Variants in GRM1 observed in about 807,000 individuals in gnomAD.
The protein encoded by GRM1 is glutamate metabotropic receptor 1, also known as metabotropic glutamate receptor 1.
Under a neutral mutation model 90.9 loss-of-function variants are expected in GRM1, and 33 were observed. That is an observed-to-expected ratio of 0.36 (90% CI 0.28 to 0.49). The LOEUF is 0.49. GRM1 is among the 20% of genes least tolerant of loss of function. GRM1 has a pLI of 0.99. For synonymous variants in GRM1, 700 were observed against 613.2 expected, an observed-to-expected ratio of 1.14 and a Z score of -2.09; for missense variants, 1,190 against 1,534.3, an observed-to-expected ratio of 0.78 and a Z score of 3.75.
intron 5 of GRM1, among the ~76,000 whole-genome samples, chr6:146,381,586 T>C (rs951350079): frequency 6.6e-6 from 1 of 152,204 alleles, no homozygotes; most frequent in African/African-American, 2.4e-5. Context: ...AACCAGATAC[T>C]GAGTGTTTAC....
At chr6:146,419,631 G>T (rs1377781978) in intron 7 of GRM1, among the ~76,000 whole-genome samples, 2 of 152,164 alleles carry the variant, frequency 1.3e-5, no homozygotes, top group African/African-American at 4.8e-5. Context: ...GGCTTAACAG[G>T]AATCACGACT....
At chr6:146,236,746 G>A (rs1245506914) in intron 2 of GRM1, among the ~76,000 whole-genome samples, 3 of 152,104 alleles carry the variant, frequency 2.0e-5, no homozygotes, top group Non-Finnish European at 4.4e-5. Context: ...AGAGTCTTAA[G>A]GTATTTGTCA....
chr6:146,104,640 A>G (rs1346255670), intron 1 of GRM1, among the ~76,000 whole-genome samples: 2 of 152,200 alleles, frequency 1.3e-5, no homozygotes, highest in Non-Finnish European at 2.9e-5. Context: ...AATTTCCGAA[A>G]GGCAAAGGTC....
intron 2 of GRM1, among the ~76,000 whole-genome samples, chr6:146,295,455 A>G (rs900483858): frequency 6.6e-6 from 1 of 150,594 alleles, no homozygotes; most frequent in African/African-American, 2.4e-5. Flanking sequence ...CTGGTCTCGA[A>G]CTCCTGACCT....
At chr6:146,292,260 A>T (rs1019566981) in intron 2 of GRM1, among the ~76,000 whole-genome samples, 5 of 152,006 alleles carry the variant, frequency 3.3e-5, no homozygotes, top group Non-Finnish European at 5.9e-5. Flanking sequence ...ATGACATCAA[A>T]TGCATTACCA....
chr6:146,276,603 AG>A (rs1782370711), intron 2 of GRM1, among the ~76,000 whole-genome samples: 1 of 152,182 alleles, frequency 6.6e-6, no homozygotes, highest in Admixed American at 6.5e-5. Flanking sequence ...AAAAATTAAC[AG>A]GCAAAAGATG....
chr6:146,253,156 A>G (rs886293092), intron 2 of GRM1, among the ~76,000 whole-genome samples: 2 of 152,160 alleles, frequency 1.3e-5, no homozygotes, highest in Non-Finnish European at 2.9e-5. Context: ...AGCATGAGTG[A>G]TAGAGAATTA....
chr6:146,399,026 T>C lies in GRM1; in HGVS notation c.1987T>C (p.Leu663=). 6.2e-7 allele frequency: 1 copy of C among 1,614,108 alleles called. No homozygotes were observed. Among genetic ancestry groups the C allele is most frequent in the Non-Finnish European group, 8.5e-7 (1 of 1,180,002 alleles). The change falls in exon 7 of 8, where the codon TTG becomes CTG. Residue 663 remains leucine, a synonymous_variant. Coordinates refer to ENST00000282753, the MANE Select transcript of GRM1 (RefSeq NM_001278064.2). This position sits in a 1 kb window ranked among gnomAD's most constrained non-coding sequence, Gnocchi z 5.4. ...CACCTCCTGCTACCTCCAGCGCCTC[T>C]TGGTTGGCCTCTCCTCTGCGATGTG... ...TTTSCYLQRL[L]VGLSSAMCYS...
chr6:146,378,989 C>T (rs1776215182), intron 5 of GRM1, among the ~76,000 whole-genome samples: 1 of 152,096 alleles, frequency 6.6e-6, no homozygotes, highest in Admixed American at 6.5e-5. Context: ...TGAGGCTTCC[C>T]CAACCATGTG....
chr6:146,308,304 C>A (rs1783650953), intron 3 of GRM1, among the ~76,000 whole-genome samples: 1 of 152,130 alleles, frequency 6.6e-6, no homozygotes, highest in South Asian at 2.1e-4. Flanking sequence ...CAATATCCAC[C>A]TCACACAGAA....
chr6:146,226,647 G>A (rs564355369), intron 2 of GRM1, among the ~76,000 whole-genome samples: 4 of 152,154 alleles, frequency 2.6e-5, no homozygotes, highest in South Asian at 4.2e-4. Context: ...AATTAAAACC[G>A]CTTCTGTATT....
Position 146,436,962 on chromosome 6 carries a change from C to T in GRM1, c.*2166C>T, listed in dbSNP as rs1778612620. On this transcript the variant is annotated 3_prime_UTR_variant, in exon 8 of 8. Transcript: ENST00000282753. The stretch of plus-strand genomic sequence containing the variant: ...TTGCCAAGTTTAGTCAGTTCCACAC[C>T]AAGAATGAACTGCATTTCCTTTAAA... The T allele has an allele frequency of 6.6e-6, 1 of 152,486 alleles. No homozygotes were observed. The highest frequency in any genetic ancestry group is 1.5e-5 in the Non-Finnish European group (1 of 68,016). 9.4% of individuals were successfully genotyped at this position (152,486 alleles called of 1,614,324 possible). A position where few individuals can be genotyped will look rare whatever the true frequency, so the allele number is the denominator to read the frequency against.
At chr6:146,322,001 C>CT (rs1784206506) in intron 3 of GRM1, among the ~76,000 whole-genome samples, 1 of 151,992 alleles carries the variant, frequency 6.6e-6, no homozygotes, top group Admixed American at 6.5e-5. Context: ...GAGAAGAGGC[C>CT]TTTTTGCAAT....
At chr6:146,360,991 A>T (rs941102711) in intron 5 of GRM1, among the ~76,000 whole-genome samples, 21 of 152,302 alleles carry the variant, frequency 1.4e-4, no homozygotes, top group Middle Eastern at 3.4e-3. Context: ...GAAGGATGGG[A>T]GAGGAATGAA....
intron 3 of GRM1, among the ~76,000 whole-genome samples, chr6:146,333,460 G>GT (rs962611980): frequency 1.3e-5 from 2 of 152,118 alleles, no homozygotes; most frequent in African/African-American, 4.8e-5. Context: ...TCTTCAGGCT[G>GT]TTTTTCTCTT....
intron 1 of GRM1, among the ~76,000 whole-genome samples, chr6:146,098,871 T>C (rs563167661): frequency 6.6e-6 from 1 of 152,260 alleles, no homozygotes; most frequent in Admixed American, 6.5e-5. Flanking sequence ...CCTGCCATGA[T>C]TGTAAGTTTC....
In GRM1 at chr6:146,434,581, C is replaced by T. The variant is rs769954391; in HGVS notation, c.3370C>T (p.Leu1124=). Residue 1124 remains leucine, a synonymous_variant, in exon 8 of 8, where the codon CTG becomes TTG. Coordinates refer to ENST00000282753, the MANE Select transcript of GRM1 (RefSeq NM_001278064.2). The part of the protein sequence containing the change: ...EREGNTEEDE[L]EEEEEDLQAA... ...GGAAGGGAACACGGAAGAAGACGAACTGGAAGAGGAGGAGGAGGACCTGCA... is the reference window on the plus strand; with the variant it reads ...GGAAGGGAACACGGAAGAAGACGAATTGGAAGAGGAGGAGGAGGACCTGCA... 2.5e-6 allele frequency: 4 copies of T among 1,613,994 alleles called. No homozygotes were observed. The highest frequency in any genetic ancestry group is 1.3e-5 in the African/African-American group (1 of 75,040).
chr6:146,431,350 T>G (rs1020646294), intron 7 of GRM1, among the ~76,000 whole-genome samples: 6 of 152,208 alleles, frequency 3.9e-5, no homozygotes, highest in African/African-American at 1.4e-4. Flanking sequence ...GCAACATGAT[T>G]AATAATACTG....
chr6:146,308,193 A>G (rs550469508), intron 3 of GRM1, among the ~76,000 whole-genome samples: 6 of 152,178 alleles, frequency 3.9e-5, no homozygotes, highest in Admixed American at 1.3e-4. Context: ...TAGCATTTTG[A>G]AGCACTATCA....
Sources: allele counts gnomAD v4.1 joint callset (sites outside exome capture counted in the v4.1 genomes callset), GRCh38; gene constraint gnomAD v4.1.1; non-coding constraint Gnocchi (gnomAD v3.1); transcripts MANE v1.5; gene names NCBI Gene and HGNC (gene_info 2026-07-23, HGNC 2026-07-21).